Variants in CHKA observed in about 807,000 individuals in gnomAD.
The protein encoded by CHKA is CHETK-alpha.
Under a neutral mutation model 60.1 loss-of-function variants are expected in CHKA, and 34 were observed. That is an observed-to-expected ratio of 0.57 (90% CI 0.43 to 0.75). CHKA has a LOEUF of 0.75. CHKA is among the 30% of genes least tolerant of loss of function. CHKA has a pLI of 0.00. For synonymous variants in CHKA, 217 were observed against 223.1 expected (o/e 0.97, Z 0.24); for missense variants, 563 against 561.3 (o/e 1.00, Z -0.03).
chr11:68,094,445 G>A (rs1857438910), intron 2 of CHKA, among the ~76,000 whole-genome samples: 1 of 152,212 alleles, frequency 6.6e-6, no homozygotes, highest in Non-Finnish European at 1.5e-5. Flanking sequence ...GGAGGCTGAG[G>A]TGGGAGGATC....
Position 68,081,446 on chromosome 11 carries a change from A to G in CHKA, c.474T>C (p.Asn158=). 6.2e-7 allele frequency: 1 copy of G among 1,613,248 alleles called. No homozygotes were observed. Among genetic ancestry groups the G allele is most frequent in the East Asian group, 2.2e-5 (1 of 44,878 alleles). ...YGAILQMRSC[N]KEGSEQAQKE... The stretch of plus-strand genomic sequence containing the variant: ...TCTGAGCTTGTTCGGATCCCTCTTT[A>G]TTACAGGACCTCTATGAATGAGAAA... Residue 158 remains asparagine (N), a synonymous_variant, in exon 3 of 12, where the codon AAT becomes AAC. Transcript: ENST00000265689.
chr11:68,087,451 C>T (rs1290896643), intron 2 of CHKA, among the ~76,000 whole-genome samples: 2 of 151,950 alleles, frequency 1.3e-5, no homozygotes, highest in Admixed American at 1.3e-4. Flanking sequence ...CACTGCACTC[C>T]AGCCTGGGCA....
At chr11:68,120,027 A>C (rs1248370381) in intron 1 of CHKA, among the ~76,000 whole-genome samples, 1 of 152,110 alleles carries the variant, frequency 6.6e-6, no homozygotes, top group East Asian at 1.9e-4. Context: ...TCGGGAGTTC[A>C]AGATCAGCCT....
chr11:68,062,464 A>T (rs1017006289), intron 10 of CHKA, among the ~76,000 whole-genome samples: 2 of 152,082 alleles, frequency 1.3e-5, no homozygotes, highest in Non-Finnish European at 2.9e-5. Flanking sequence ...TGAAGCTCTC[A>T]CTCCTTGAGC....
Position 68,053,798 on chromosome 11 carries a change from A to G in CHKA, c.*190T>C, listed in dbSNP as rs1855891305. 3.8e-6 allele frequency: 2 copies of G among 521,336 alleles called. No individual in the cohort carries two copies. The highest frequency in any genetic ancestry group is 6.9e-6 in the Non-Finnish European group (2 of 290,330). The allele number at this position is 521,336 out of a possible 1,614,324, so 32.3% of individuals were successfully genotyped here. A position where few individuals can be genotyped will look rare whatever the true frequency, so the allele number is the denominator to read the frequency against. On this transcript the variant is annotated 3_prime_UTR_variant, in exon 12 of 12. Coordinates refer to ENST00000265689, the MANE Select transcript of CHKA (RefSeq NM_001277.3). ...CCGATCTCGTTTCTGAGTCCTAGTGAAATCGTAAACAAGAGATGAAATAAA... is the reference window on the plus strand; with the variant it reads ...CCGATCTCGTTTCTGAGTCCTAGTGGAATCGTAAACAAGAGATGAAATAAA...
In CHKA at chr11:68,121,205, G is replaced by T; in HGVS notation, c.-28C>A. The T allele has an allele frequency of 1.7e-6, 2 of 1,150,200 alleles. No individual in the cohort carries two copies. The highest frequency in any genetic ancestry group is 1.1e-6 in the Non-Finnish European group (1 of 934,986). 71.2% of individuals were successfully genotyped at this position (1,150,200 alleles called of 1,614,324 possible). ...CCGACAGGCGGCCGAGGAGGCGCGG[G>T]CGGCCGCAGCGCGAGAGGACTAGGC... On this transcript the variant is annotated 5_prime_UTR_variant, in exon 1 of 12. Transcript: ENST00000265689.
At chr11:68,094,011 T>TAAA (rs1199294669) in intron 2 of CHKA, among the ~76,000 whole-genome samples, 2 of 152,206 alleles carry the variant, frequency 1.3e-5, no homozygotes, top group Non-Finnish European at 2.9e-5. Flanking sequence ...AGCACAGGAT[T>TAAA]AAACTCCCAG....
At chr11:68,087,782 C>G (rs1484040698) in intron 2 of CHKA, among the ~76,000 whole-genome samples, 1 of 152,020 alleles carries the variant, frequency 6.6e-6, no homozygotes, top group Non-Finnish European at 1.5e-5. Flanking sequence ...TGATTGTGAC[C>G]TTTTAAAAAT....
intron 8 of CHKA, 28 bp from the exon 9 acceptor site, chr11:68,065,922 C>T (rs1856427163): frequency 6.6e-7 from 1 of 1,508,054 alleles, no homozygotes; most frequent in Non-Finnish European, 9.2e-7. Context: ...ACAGTGCACA[C>T]AATGAGGCAA....
chr11:68,102,681 CACAA>C (rs1484888680), intron 1 of CHKA, among the ~76,000 whole-genome samples: 1 of 152,040 alleles, frequency 6.6e-6, no homozygotes, highest in Non-Finnish European at 1.5e-5. Context: ...GCACAGGCAA[CACAA>C]ACAAAAATAA....
At chr11:68,080,756 T>C (rs1856960471) in intron 3 of CHKA, among the ~76,000 whole-genome samples, 1 of 152,246 alleles carries the variant, frequency 6.6e-6, no homozygotes, top group South Asian at 2.1e-4. Flanking sequence ...CATGCACCCT[T>C]CTCTGTGAGC....
At chr11:68,064,400 T>C (rs914020461) in intron 10 of CHKA, 125 bp downstream of exon 10, 30 of 517,650 alleles carry the variant, frequency 5.8e-5, no homozygotes. Flanking sequence ...AGAGCAAGAC[T>C]CTGTCTCAAA....
At chr11:68,059,971 T>C (rs939102518) in intron 11 of CHKA, among the ~76,000 whole-genome samples, 2 of 151,652 alleles carry the variant, frequency 1.3e-5, no homozygotes, top group Non-Finnish European at 2.9e-5. Flanking sequence ...AGAAGAGGAG[T>C]GGTGAGATCT....
chr11:68,120,543 G>T (rs1402976494), intron 1 of CHKA, among the ~76,000 whole-genome samples: 2 of 152,260 alleles, frequency 1.3e-5, no homozygotes, highest in South Asian at 2.1e-4. Context: ...TGATGGAACG[G>T]TATTGTTCTC....
chr11:68,058,056 A>G (rs533338880), intron 11 of CHKA, among the ~76,000 whole-genome samples: 1 of 152,048 alleles, frequency 6.6e-6, no homozygotes, highest in Admixed American at 6.5e-5. Flanking sequence ...ACACCCAGCT[A>G]ATTGTTTCGT....
intron 2 of CHKA, among the ~76,000 whole-genome samples, chr11:68,088,897 T>C (rs1484374000): frequency 1.3e-5 from 2 of 152,148 alleles, no homozygotes; most frequent in African/African-American, 4.8e-5. Flanking sequence ...AAATGTGAGA[T>C]CTCAATGCAA....
intron 2 of CHKA, among the ~76,000 whole-genome samples, chr11:68,089,062 TAATA>T (rs1353817623): frequency 6.6e-6 from 1 of 152,224 alleles, no homozygotes; most frequent in Non-Finnish European, 1.5e-5. Flanking sequence ...TTTTGGACAT[TAATA>T]ATTTCAAAAT....
At position 68,065,795 on chromosome 11, in the gene CHKA, C is replaced by A; in HGVS notation, c.1116G>T (p.Lys372Asn). ...AAAACTCATCTCCTACCTGTTGTTT[C>A]TTGGTGGGATACTTCCGGATGTTTG... ...FRANIRKYPT[K>N]KQQLHFISSY... is the part of the protein sequence containing the mutation. The change falls in exon 9 of 12, where the codon AAG (lysine) becomes AAT (asparagine). Residue 372 changes from lysine to asparagine, a missense_variant. Lys to Asn is a moderately conservative substitution (Grantham distance 94). Transcript: ENST00000265689. The A allele has an allele frequency of 6.3e-7, 1 of 1,595,408 alleles. No homozygotes were observed. The highest frequency in any genetic ancestry group is 2.3e-5 in the East Asian group (1 of 44,386).
intron 1 of CHKA, among the ~76,000 whole-genome samples, chr11:68,099,474 C>T (rs1456870653): frequency 6.6e-6 from 1 of 152,208 alleles, no homozygotes; most frequent in Non-Finnish European, 1.5e-5. Context: ...AGGAACAAGA[C>T]AGCAAGAGTC....
Sources: allele counts gnomAD v4.1 joint callset (sites outside exome capture counted in the v4.1 genomes callset), GRCh38; gene constraint gnomAD v4.1.1; transcripts MANE v1.5; gene names NCBI Gene and HGNC (gene_info 2026-07-23, HGNC 2026-07-21).